The following MEIS2 variants were observed in gnomAD, a reference collection of about 807,000 sequenced individuals.
The protein encoded by MEIS2 is homeobox protein Meis2.
Under a neutral mutation model 58.6 loss-of-function variants are expected in MEIS2, and 9 were observed. The observed-to-expected ratio is 0.15, with a 90% confidence interval of 0.09 to 0.27. MEIS2 has a LOEUF of 0.27. MEIS2 is among the 10% of genes least tolerant of loss of function. The pLI is 1.00. For missense variants in MEIS2, 427 were observed against 635.0 expected (o/e 0.67, Z 3.52); for synonymous variants, 221 against 228.4 (o/e 0.97, Z 0.29).
intron 8 of MEIS2, among the ~76,000 whole-genome samples, chr15:36,987,506 C>T (rs2060133076): frequency 6.6e-6 from 1 of 151,628 alleles, no homozygotes; most frequent in African/African-American, 2.4e-5. Context: ...TGAAATGACA[C>T]TGGTTGTAAA....
At chr15:37,017,207 T>C (rs960391349) in intron 8 of MEIS2, among the ~76,000 whole-genome samples, 17 of 152,006 alleles carry the variant, frequency 1.1e-4, no homozygotes, top group Admixed American at 1.1e-3. Context: ...CATAGGAGGT[T>C]AAAAAAATGA....
chr15:36,926,103 C>G (rs914449011), intron 9 of MEIS2, among the ~76,000 whole-genome samples: 39 of 151,606 alleles, frequency 2.6e-4, no homozygotes, highest in African/African-American at 9.5e-4. Context: ...TCCAGGCTGT[C>G]AAATTTTTAC....
chr15:36,999,231 T>A (rs1041231759), intron 8 of MEIS2, among the ~76,000 whole-genome samples: 1 of 152,168 alleles, frequency 6.6e-6, no homozygotes, highest in African/African-American at 2.4e-5. Flanking sequence ...TTATTTAATA[T>A]ATAGAGTGTC....
intron 8 of MEIS2, chr15:36,972,699 A>T (rs1194768): frequency 0.89 from 135,901 of 152,248 alleles, 60,771 homozygotes; most frequent in East Asian, 0.95. Context: ...GGTTTCCAAA[A>T]GACCTTAATT....
At chr15:36,980,754 C>G (rs2059905838) in intron 8 of MEIS2, among the ~76,000 whole-genome samples, 1 of 152,034 alleles carries the variant, frequency 6.6e-6, no homozygotes, top group Admixed American at 6.6e-5. Context: ...ATGACATAAT[C>G]CATTTTGTTT....
At chr15:37,053,140 CTG>C (rs1221153311) in intron 7 of MEIS2, among the ~76,000 whole-genome samples, 1 of 152,114 alleles carries the variant, frequency 6.6e-6, no homozygotes, top group African/African-American at 2.4e-5. Flanking sequence ...ATTCATATAC[CTG>C]TGGTAAACCA....
intron 7 of MEIS2, among the ~76,000 whole-genome samples, chr15:37,051,834 A>G (rs1220856973): frequency 6.6e-6 from 1 of 152,182 alleles, no homozygotes; most frequent in African/African-American, 2.4e-5. Context: ...ATATTTATGA[A>G]TGTGTTGATT....
At chr15:36,973,745 T>G (rs1029275616) in intron 8 of MEIS2, among the ~76,000 whole-genome samples, 3 of 152,056 alleles carry the variant, frequency 2.0e-5, no homozygotes, top group Admixed American at 1.3e-4. Context: ...ACTAAAAAAC[T>G]GTAACTGAAC....
Position 37,094,437 on chromosome 15 carries a change from C to G in MEIS2, c.489+90G>C, listed in dbSNP as rs901061319. The G allele has an allele frequency of 2.3e-5, 29 of 1,266,372 alleles. No homozygotes were observed. In the Admixed American group the frequency reaches 2.7e-4, roughly 12 times the overall value. 78.4% of individuals were successfully genotyped at this position (1,266,372 alleles called of 1,614,324 possible). ...GCTCAAAATCTCCAGGTGCTCAATCCCTCACACTAGAGGTTTGTTAAAAAC... is the reference window on the plus strand; with the variant it reads ...GCTCAAAATCTCCAGGTGCTCAATCGCTCACACTAGAGGTTTGTTAAAAAC... On this transcript the variant is annotated intron_variant, in intron 5 of 11. Transcript: ENST00000561208.
chr15:36,974,718 C>T (rs947842862), intron 8 of MEIS2, among the ~76,000 whole-genome samples: 2 of 152,122 alleles, frequency 1.3e-5, no homozygotes, highest in African/African-American at 4.8e-5. Context: ...GCATGAGGAA[C>T]CAGGTCCTAC....
chr15:36,904,238 T>C (rs777085853), intron 9 of MEIS2, among the ~76,000 whole-genome samples: 2 of 152,164 alleles, frequency 1.3e-5, no homozygotes, highest in Non-Finnish European at 2.9e-5. Context: ...CTCTGACAAC[T>C]GCAACAGGGT....
intron 7 of MEIS2, among the ~76,000 whole-genome samples, chr15:37,071,180 T>C (rs1183237167): frequency 6.6e-6 from 1 of 152,152 alleles, no homozygotes; most frequent in Non-Finnish European, 1.5e-5. Context: ...TCCTATATTA[T>C]TGTAGCACAG....
At chr15:36,931,107 C>T (rs2057959902) in intron 9 of MEIS2, among the ~76,000 whole-genome samples, 1 of 152,128 alleles carries the variant, frequency 6.6e-6, no homozygotes, top group South Asian at 2.1e-4. Context: ...TTGATAGATT[C>T]CCTGACTTCA....
At chr15:36,977,322 C>T (rs1246152175) in intron 8 of MEIS2, among the ~76,000 whole-genome samples, 1 of 152,008 alleles carries the variant, frequency 6.6e-6, no homozygotes, top group African/African-American at 2.4e-5. Context: ...AAATCAAATC[C>T]ATGAAATACA....
At chr15:36,969,235 G>A (rs556483789) in intron 8 of MEIS2, among the ~76,000 whole-genome samples, 1 of 152,292 alleles carries the variant, frequency 6.6e-6, no homozygotes, top group South Asian at 2.1e-4. Flanking sequence ...AGAATTGAGA[G>A]GAAATGTAGA....
chr15:36,900,603 A>C (rs186031856), intron 9 of MEIS2, among the ~76,000 whole-genome samples: 1 of 152,350 alleles, frequency 6.6e-6, no homozygotes, highest in Admixed American at 6.5e-5. Context: ...AGATGAAAAA[A>C]TACATTAAAA....
chr15:36,990,398 T>G (rs1325198752), intron 8 of MEIS2, among the ~76,000 whole-genome samples: 2 of 152,174 alleles, frequency 1.3e-5, no homozygotes, highest in African/African-American at 4.8e-5. Flanking sequence ...ATAGAGCTAG[T>G]GTGGAAATTA....
At position 36,889,964 on chromosome 15, in the gene MEIS2, T is replaced by G. The variant is rs532993577; in HGVS notation, c.*2209A>C. 25 of 152,322 alleles carry G rather than the reference T, an allele frequency of 1.6e-4. No individual in the cohort carries two copies. The highest frequency in any genetic ancestry group is 5.5e-4 in the African/African-American group (23 of 41,588). 9.4% of individuals were successfully genotyped at this position (152,322 alleles called of 1,614,324 possible). ...GCAACACAACACTTAAACTGAAATG[T>G]ATTTGTAAAAATTCTACCTGACTAA... On this transcript the variant is annotated 3_prime_UTR_variant, in exon 12 of 12. Coordinates refer to ENST00000561208, the MANE Select transcript of MEIS2 (RefSeq NM_170675.5).
chr15:37,036,741 T>A, intron 8 of MEIS2, 73 bp downstream of exon 8: 2 of 1,443,838 alleles, frequency 1.4e-6, no homozygotes, highest in East Asian at 2.4e-5. Context: ...TAAAAAAAAA[T>A]CAGTATGAGA....
Sources: allele counts gnomAD v4.1 joint callset (sites outside exome capture counted in the v4.1 genomes callset), GRCh38; gene constraint gnomAD v4.1.1; transcripts MANE v1.5; gene names NCBI Gene and HGNC (gene_info 2026-07-23, HGNC 2026-07-21).